The following GNA13 variants were observed in gnomAD, a reference collection of about 807,000 sequenced individuals.
GNA13 encodes guanine nucleotide-binding protein subunit alpha-13.
A neutral mutation model predicts 33.5 loss-of-function variants in GNA13; 4 were observed. The ratio of observed to expected loss-of-function variants is 0.12; its 90% CI spans 0.06 to 0.27. The LOEUF is 0.27. Ranked by LOEUF, GNA13 falls within the 10% of genes least tolerant of loss-of-function variation. The pLI is 1.00. For synonymous variants in GNA13, 176 were observed against 183.8 expected (o/e 0.96, Z 0.34); for missense variants, 319 against 487.2 (o/e 0.65, Z 3.25).
Position 65,010,467 on chromosome 17 carries a change from A to C in GNA13, c.*3790T>G, listed in dbSNP as rs1335143756. 6.6e-6 allele frequency among the ~76,000 whole-genome samples: 1 copy of C among 152,130 alleles called. No individual in the cohort carries two copies. The highest frequency in any genetic ancestry group is 1.5e-5 in the Non-Finnish European group (1 of 68,030). On this transcript the variant is annotated 3_prime_UTR_variant, in exon 4 of 4. Coordinates refer to ENST00000439174, the MANE Select transcript of GNA13 (RefSeq NM_006572.6). ...AATCTCTCCCCTCCTCATGTTTACT[A>C]GACTGAAAAGCCACCCTGTATCCTA...
Position 65,056,519 on chromosome 17 carries a change from G to T in GNA13, c.75C>A (p.Ala25=). 1 of 1,613,194 alleles carries T rather than the reference G, an allele frequency of 6.2e-7. No individual in the cohort carries two copies. Among genetic ancestry groups the T allele is most frequent in the Non-Finnish European group, 8.5e-7 (1 of 1,179,734 alleles). Reference sequence around the variant, plus strand: ...TCTCCTTGGACTTGCGTTGCTGCTCGGCCTCGCCACTCGTCAGCAGGCAGC... The same window carrying T: ...TCTCCTTGGACTTGCGTTGCTGCTCTGCCTCGCCACTCGTCAGCAGGCAGC... ...FPGCLLTSGE[A]EQQRKSKEID... Residue 25 remains alanine (A), a synonymous_variant, in exon 1 of 4, where the codon GCC becomes GCA. Transcript: ENST00000439174.
In GNA13 at chr17:65,011,902, C is replaced by T. The variant is rs995100596; in HGVS notation, c.*2355G>A. 2 of 225,484 alleles carry T rather than the reference C, an allele frequency of 8.9e-6. No homozygotes were observed. The highest frequency in any genetic ancestry group is 6.4e-5 in the East Asian group (1 of 15,508). The allele number at this position is 225,484 out of a possible 1,614,324, so 14.0% of individuals were successfully genotyped here. A position where few individuals can be genotyped will look rare whatever the true frequency, so the allele number is the denominator to read the frequency against. ...ATACAGGTGTAAGACTCCTTTCAAA[C>T]GTTTTTAAAATACAACGTATAAAAA... On this transcript the variant is annotated 3_prime_UTR_variant, in exon 4 of 4. Transcript: ENST00000439174.
chr17:65,042,282 C>T (rs1418467244), intron 2 of GNA13, among the ~76,000 whole-genome samples: 2 of 150,012 alleles, frequency 1.3e-5, no homozygotes, highest in African/African-American at 2.5e-5. Flanking sequence ...TGCTTGAACC[C>T]GGGAGGCAGA....
chr17:65,044,851 C>T (rs983212031), intron 2 of GNA13, among the ~76,000 whole-genome samples: 37 of 151,398 alleles, frequency 2.4e-4, no homozygotes, highest in African/African-American at 7.0e-4. Context: ...AAGACGAGCC[C>T]GGCCAACATG....
intron 2 of GNA13, among the ~76,000 whole-genome samples, chr17:65,025,500 G>C (rs1460262361): frequency 6.6e-6 from 1 of 152,158 alleles, no homozygotes; most frequent in East Asian, 1.9e-4. Flanking sequence ...TACTCCAGAT[G>C]TAACATTACT....
At position 65,031,893 on chromosome 17, in the gene GNA13, A is replaced by AAAGG. The variant is rs1284781178; in HGVS notation, c.511-13591_511-13590insCCTT. Among the ~76,000 whole-genome samples the AAAGG allele has an allele frequency of 2.8e-4, 37 of 131,020 alleles. 2 individuals are homozygous for AAAGG. Among genetic ancestry groups the AAAGG allele is most frequent in the Admixed American group, 2.5e-3 (30 of 12,128 alleles). 86.0% of individuals were successfully genotyped at this position (131,020 alleles called of 152,430 possible). A position where few individuals can be genotyped will look rare whatever the true frequency, so the allele number is the denominator to read the frequency against. ...GAGAGAGAGAGAGAGAGAGAGAGAG[A>AAAGG]GAAAGAGAGAGAGAGAGAGAGAGAG... On this transcript the variant is annotated intron_variant, in intron 2 of 3. Coordinates refer to ENST00000439174, the MANE Select transcript of GNA13 (RefSeq NM_006572.6).
chr17:65,039,813 T>C (rs1247073844), intron 2 of GNA13, among the ~76,000 whole-genome samples: 1 of 152,202 alleles, frequency 6.6e-6, no homozygotes, highest in Non-Finnish European at 1.5e-5. Context: ...AGCAAACACC[T>C]AACCCACAAA....
At position 65,014,962 on chromosome 17, in the gene GNA13, G is replaced by A; in HGVS notation, c.562-133C>T. On this transcript the variant is annotated intron_variant, in intron 3 of 3. Coordinates refer to ENST00000439174, the MANE Select transcript of GNA13 (RefSeq NM_006572.6). The surrounding 1 kb of genome is among the most constrained non-coding windows in gnomAD (Gnocchi z 5.3). ...TAAGTGACATTTTCAGATAGATTAT[G>A]CTTATTATAAAATGCCAAGACTGGT... 6.4e-6 allele frequency: 4 copies of A among 627,268 alleles called. No homozygotes were observed. Among genetic ancestry groups the A allele is most frequent in the Non-Finnish European group, 1.1e-5 (4 of 359,896 alleles). The allele number at this position is 627,268 out of a possible 1,614,324, so 38.9% of individuals were successfully genotyped here. A position where few individuals can be genotyped will look rare whatever the true frequency, so the allele number is the denominator to read the frequency against.
At chr17:65,035,196 A>G (rs1229166642) in intron 2 of GNA13, among the ~76,000 whole-genome samples, 1 of 152,214 alleles carries the variant, frequency 6.6e-6, no homozygotes, top group East Asian at 1.9e-4. Context: ...TATTTACCCC[A>G]TATTTGTTCC....
chr17:65,027,314 C>T (rs867886842), intron 2 of GNA13, among the ~76,000 whole-genome samples: 1 of 136,858 alleles, frequency 7.3e-6, no homozygotes, highest in Admixed American at 7.5e-5. Context: ...CCTCCCCCGC[C>T]TTTTTTTTTT....
chr17:65,028,674 A>T (rs1906892441), intron 2 of GNA13, among the ~76,000 whole-genome samples: 1 of 152,132 alleles, frequency 6.6e-6, no homozygotes, highest in African/African-American at 2.4e-5. Flanking sequence ...CAACACTAGG[A>T]TGATAGCGCC....
chr17:65,038,516 G>A (rs1010319716), intron 2 of GNA13, among the ~76,000 whole-genome samples: 6 of 152,140 alleles, frequency 3.9e-5, no homozygotes, highest in African/African-American at 1.4e-4. Flanking sequence ...GGGCTCAAGG[G>A]ATGCTCCCAC....
chr17:65,036,797 T>G (rs980232479), intron 2 of GNA13, among the ~76,000 whole-genome samples: 1 of 152,250 alleles, frequency 6.6e-6, no homozygotes, highest in Non-Finnish European at 1.5e-5. Context: ...ACTTACAAAA[T>G]GACCAGAACT....
chr17:65,016,600 G>A (rs1209882657), intron 3 of GNA13, among the ~76,000 whole-genome samples: 1 of 152,170 alleles, frequency 6.6e-6, no homozygotes, highest in Non-Finnish European at 1.5e-5. Flanking sequence ...GACCTCAAGT[G>A]ATCCTCCCGC....
chr17:65,033,739 G>A (rs1176486633), intron 2 of GNA13, among the ~76,000 whole-genome samples: 1 of 151,994 alleles, frequency 6.6e-6, no homozygotes, highest in African/African-American at 2.4e-5. Flanking sequence ...AAGAGGCCGG[G>A]CTTGGTGGCT....
intron 2 of GNA13, among the ~76,000 whole-genome samples, chr17:65,021,936 A>T (rs1180784297): frequency 6.6e-6 from 1 of 152,240 alleles, no homozygotes; most frequent in Non-Finnish European, 1.5e-5. Flanking sequence ...GAAAAAGTAT[A>T]TACAACTACA....
rs753866333 is a variant in GNA13 at position 65,018,267 on chromosome 17, T to C, written c.547A>G (p.Lys183Glu). Residue 183 changes from lysine (K) to glutamate (E), a missense_variant, in exon 3 of 4, where the codon AAA becomes GAA. Coordinates refer to ENST00000439174, the MANE Select transcript of GNA13 (RefSeq NM_006572.6). ...TAAACACTTACTGGTTCTCCAAGTT[T>C]ATCCAAGTTATCCAGGAAATATTTT... ...SVKYFLDNLD[K>E]LGEPDYIPSQ... 1 of 1,525,580 alleles carries C rather than the reference T, an allele frequency of 6.6e-7. No individual in the cohort carries two copies. The highest frequency in any genetic ancestry group is 9.1e-7 in the Non-Finnish European group (1 of 1,099,386). 94.5% of individuals were successfully genotyped at this position (1,525,580 alleles called of 1,614,324 possible).
At chr17:65,053,870 AAATGT>A in intron 1 of GNA13, 142 bp from the exon 2 acceptor site, 1 of 607,260 alleles carries the variant, frequency 1.6e-6, no homozygotes, top group Non-Finnish European at 2.9e-6. Context: ...CATCGAAAAC[AAATGT>A]AACTTCTCAG....
In GNA13 at chr17:65,056,596, T is replaced by TGCCGCCGCC. The variant is rs3830470; in HGVS notation, c.-12_-4dup. 6 of 1,592,576 alleles carry TGCCGCCGCC rather than the reference T, an allele frequency of 3.8e-6. No homozygotes were observed. Among genetic ancestry groups the TGCCGCCGCC allele is most frequent in the Non-Finnish European group, 5.1e-6 (6 of 1,173,108 alleles). ...CGCGACGGCAGGAAGTCCGCCATCTTGCCGCCGCCGCCGCCGCCTCGGCGG... is the reference window on the plus strand; with the variant it reads ...CGCGACGGCAGGAAGTCCGCCATCTTGCCGCCGCCGCCGCCGCCGCCGCCGCCTCGGCGG... On this transcript the variant is annotated 5_prime_UTR_variant, in exon 1 of 4. Coordinates refer to ENST00000439174, the MANE Select transcript of GNA13 (RefSeq NM_006572.6).
Sources: allele counts gnomAD v4.1 joint callset (sites outside exome capture counted in the v4.1 genomes callset), GRCh38; gene constraint gnomAD v4.1.1; non-coding constraint Gnocchi (gnomAD v3.1); transcripts MANE v1.5; gene names NCBI Gene and HGNC (gene_info 2026-07-23, HGNC 2026-07-21).